Variants in CADPS observed in about 807,000 individuals in gnomAD.
CADPS encodes calcium dependent secretion activator.
CADPS carries 57 observed loss-of-function variants against 167.3 expected under a neutral mutation model. The observed-to-expected ratio is 0.34, with a 90% CI of 0.28 to 0.42. The LOEUF (loss-of-function observed/expected upper bound fraction) is 0.42. CADPS is among the 20% of genes least tolerant of loss of function. The pLI is 1.00. For synonymous variants in CADPS, 676 were observed against 635.3 expected (o/e 1.06, Z -0.96); for missense variants, 1,414 against 1,738.1 (o/e 0.81, Z 3.32).
chr3:62,660,674 C>G (rs1164091090), intron 4 of CADPS, among the ~76,000 whole-genome samples: 1 of 152,146 alleles, frequency 6.6e-6, no homozygotes, highest in Non-Finnish European at 1.5e-5. Flanking sequence ...TGTGCCCACC[C>G]TCCCTGCTGT....
intron 26 of CADPS, among the ~76,000 whole-genome samples, chr3:62,450,397 T>G (rs1332372129): frequency 6.6e-6 from 1 of 152,182 alleles, no homozygotes; most frequent in Non-Finnish European, 1.5e-5. Context: ...CCATGTACCC[T>G]AGGGCACAGG....
At chr3:62,615,177 T>C (rs1375817911) in intron 6 of CADPS, among the ~76,000 whole-genome samples, 1 of 152,148 alleles carries the variant, frequency 6.6e-6, no homozygotes, top group Non-Finnish European at 1.5e-5. Context: ...ATTCCATAAA[T>C]ACTGTGCAAG....
chr3:62,633,195 T>G (rs1227680181), intron 6 of CADPS, among the ~76,000 whole-genome samples: 2 of 152,180 alleles, frequency 1.3e-5, no homozygotes, highest in Non-Finnish European at 2.9e-5. Flanking sequence ...GGAGAGAGTT[T>G]GGGCTCTATG....
At chr3:62,415,821 G>A (rs1183644485) in intron 28 of CADPS, among the ~76,000 whole-genome samples, 1 of 152,194 alleles carries the variant, frequency 6.6e-6, no homozygotes, top group African/African-American at 2.4e-5. Context: ...GTAGCGGATG[G>A]CAATGCGAAG....
chr3:62,439,481 A>C (rs1021974837), intron 27 of CADPS: 2 of 152,236 alleles, frequency 1.3e-5, no homozygotes, highest in African/African-American at 4.8e-5. Context: ...TTACACTTTC[A>C]AACAATTTTC....
intron 13 of CADPS, among the ~76,000 whole-genome samples, chr3:62,531,021 A>T (rs1163109051): frequency 1.3e-5 from 2 of 152,326 alleles, no homozygotes; most frequent in East Asian, 3.9e-4. Context: ...AAGAAATCCA[A>T]AACTGTTTCC....
intron 1 of CADPS, among the ~76,000 whole-genome samples, chr3:62,794,044 G>A (rs1332708014): frequency 6.6e-6 from 1 of 152,082 alleles, no homozygotes; most frequent in Non-Finnish European, 1.5e-5. Context: ...CTCAAAATCT[G>A]CCAAGATACA....
chr3:62,520,542 T>C (rs1261736388), intron 13 of CADPS, among the ~76,000 whole-genome samples: 2 of 152,234 alleles, frequency 1.3e-5, no homozygotes, highest in Non-Finnish European at 2.9e-5. Context: ...GTCTCTTAAA[T>C]TTGCTTCTTG....
chr3:62,497,663 C>T (rs1466387373), intron 18 of CADPS, among the ~76,000 whole-genome samples: 1 of 152,280 alleles, frequency 6.6e-6, no homozygotes, highest in Non-Finnish European at 1.5e-5. Context: ...AGGGGTCTTA[C>T]CCCCATTCTT....
Position 62,631,270 on chromosome 3 carries a change from T to A in CADPS, c.1325+14452A>T, listed in dbSNP as rs563714813. ...AAACTAATTGTATTAACCTTGGTTT[T>A]AATACTTGCTTGGCAGACCCATTGT... On this transcript the variant is annotated intron_variant, in intron 6 of 29. Transcript: ENST00000383710. 2.6e-4 allele frequency among the ~76,000 whole-genome samples: 39 copies of A among 152,326 alleles called. No homozygotes were observed. In the South Asian group the frequency reaches 7.9e-3, roughly 31 times the overall value.
At chr3:62,750,517 C>G (rs1228344056) in intron 3 of CADPS, among the ~76,000 whole-genome samples, 1 of 152,108 alleles carries the variant, frequency 6.6e-6, no homozygotes, top group East Asian at 1.9e-4. Context: ...CTTCATATCC[C>G]ATTGTTTTGA....
At chr3:62,779,618 G>C (rs758973536) in intron 1 of CADPS, 32 of 534,458 alleles carry the variant, frequency 6.0e-5, no homozygotes, top group Non-Finnish European at 1.0e-4. Flanking sequence ...TGAAATCAGT[G>C]AGCTGCATGC....
intron 1 of CADPS, among the ~76,000 whole-genome samples, chr3:62,782,086 G>C (rs1306050222): frequency 6.6e-6 from 1 of 152,208 alleles, no homozygotes; most frequent in Non-Finnish European, 1.5e-5. Flanking sequence ...TGGAAGGACA[G>C]ACGCATCATT....
chr3:62,828,955 C>T (rs2074559781), intron 1 of CADPS, among the ~76,000 whole-genome samples: 4 of 152,098 alleles, frequency 2.6e-5, no homozygotes, highest in Admixed American at 2.6e-4. Context: ...TTCAGTGTAC[C>T]TTACTCTTAC....
intron 1 of CADPS, among the ~76,000 whole-genome samples, chr3:62,871,769 T>C (rs1004880336): frequency 1.3e-5 from 2 of 152,174 alleles, no homozygotes; most frequent in African/African-American, 4.8e-5. Flanking sequence ...TTAATAATAA[T>C]GTATCAATAT....
At chr3:62,682,851 T>C (rs574753954) in intron 3 of CADPS, among the ~76,000 whole-genome samples, 21 of 152,182 alleles carry the variant, frequency 1.4e-4, no homozygotes, top group African/African-American at 5.1e-4. Context: ...CAAATAACCA[T>C]GTACATTAAT....
intron 8 of CADPS, among the ~76,000 whole-genome samples, chr3:62,573,461 A>C (rs1159552720): frequency 1.3e-5 from 2 of 152,168 alleles, no homozygotes; most frequent in African/African-American, 4.8e-5. Flanking sequence ...CCATGAATGC[A>C]CTTGGGAAAA....
At chr3:62,442,900 T>C (rs1295429752) in intron 27 of CADPS, among the ~76,000 whole-genome samples, 5 of 152,224 alleles carry the variant, frequency 3.3e-5, no homozygotes, top group African/African-American at 1.2e-4. Flanking sequence ...ATCTACCATA[T>C]ATAAACAATG....
At chr3:62,714,966 G>C (rs1373503766) in intron 3 of CADPS, among the ~76,000 whole-genome samples, 1 of 152,174 alleles carries the variant, frequency 6.6e-6, no homozygotes, top group Non-Finnish European at 1.5e-5. Flanking sequence ...ACATGGAAAT[G>C]TGACCATATT....
Sources: gnomAD v4.1 joint callset for allele counts (sites outside exome capture counted in the v4.1 genomes callset) on GRCh38, gnomAD v4.1.1 for gene constraint, MANE v1.5 for transcripts, NCBI Gene and HGNC (gene_info 2026-07-23, HGNC 2026-07-21) for gene names.